The following SUGCT variants were observed in gnomAD, a reference collection of about 807,000 sequenced individuals.
The protein encoded by SUGCT is succinyl-CoA:glutarate-CoA transferase, also known as succinyl-CoA:glutarate CoA-transferase.
A neutral mutation model predicts 55.0 loss-of-function variants in SUGCT; 41 were observed. That is an observed-to-expected ratio of 0.74 (90% confidence interval 0.58 to 0.97). The LOEUF (loss-of-function observed/expected upper bound fraction) is 0.97. SUGCT is among the 50% of genes least tolerant of loss of function. The pLI, the probability that SUGCT is intolerant of heterozygous loss-of-function variation, is 0.00. For missense variants in SUGCT, 568 were observed against 547.8 expected, an observed-to-expected ratio of 1.04 and a Z score of -0.37; for synonymous variants, 187 against 200.4, an observed-to-expected ratio of 0.93 and a Z score of 0.56.
At chr7:40,839,245 A>T (rs978469719) in intron 13 of SUGCT, among the ~76,000 whole-genome samples, 1 of 151,992 alleles carries the variant, frequency 6.6e-6, no homozygotes, top group Non-Finnish European at 1.5e-5. Flanking sequence ...TTTTGAGACC[A>T]TATTTTTATT....
intron 12 of SUGCT, among the ~76,000 whole-genome samples, chr7:40,625,680 G>T (rs1447121444): frequency 1.3e-5 from 2 of 152,216 alleles, no homozygotes; most frequent in East Asian, 3.9e-4. Context: ...AGAAACTGTG[G>T]TGCAAACTAT....
At position 40,341,483 on chromosome 7, in the gene SUGCT, G is replaced by C. The variant is rs531119946; in HGVS notation, c.816+24628G>C. 3.9e-5 allele frequency among the ~76,000 whole-genome samples: 6 copies of C among 152,304 alleles called. No individual in the cohort carries two copies. In the East Asian group the frequency reaches 1.2e-3, roughly 29 times the overall value. On this transcript the variant is annotated intron_variant, in intron 9 of 13. Coordinates refer to ENST00000335693, the MANE Select transcript of SUGCT (RefSeq NM_001193313.2). ...ATGTGTAAACAGTGAGGTCCCTCTTGGGATTTCTGCTGGGCCTCTTTATTA... is the reference window on the plus strand; with the variant it reads ...ATGTGTAAACAGTGAGGTCCCTCTTCGGATTTCTGCTGGGCCTCTTTATTA...
chr7:40,640,155 C>A (rs769269129), intron 12 of SUGCT, among the ~76,000 whole-genome samples: 2 of 152,086 alleles, frequency 1.3e-5, no homozygotes, highest in Non-Finnish European at 2.9e-5. Context: ...TTAAACCCAG[C>A]AAGTCAGAAA....
intron 1 of SUGCT, among the ~76,000 whole-genome samples, chr7:40,149,118 T>C (rs1788416731): frequency 6.6e-6 from 1 of 152,172 alleles, no homozygotes; most frequent in African/African-American, 2.4e-5. Context: ...TTTTGGGGTC[T>C]CAGTTTTTGA....
intron 7 of SUGCT, among the ~76,000 whole-genome samples, chr7:40,264,992 A>T (rs1036247005): frequency 6.6e-6 from 1 of 152,212 alleles, no homozygotes; most frequent in Non-Finnish European, 1.5e-5. Context: ...GCTGAAGTAG[A>T]TTTTATCATT....
chr7:40,317,118 G>A lies in SUGCT; in HGVS notation c.816+263G>A, dbSNP rs28477494. On this transcript the variant is annotated intron_variant, in intron 9 of 13. Coordinates refer to ENST00000335693, the MANE Select transcript of SUGCT (RefSeq NM_001193313.2). Reference sequence around the variant, plus strand: ...CTGAAAGTAAGTGCCTTTTGGGCTCGTATGATGGTTTTCTTTTTTTTTTTT... The same window carrying A: ...CTGAAAGTAAGTGCCTTTTGGGCTCATATGATGGTTTTCTTTTTTTTTTTT... Among the ~76,000 whole-genome samples, 84,749 of 150,934 alleles carry A rather than the reference G, an allele frequency of 0.56. 25,088 individuals are homozygous for A. Among genetic ancestry groups the A allele is most frequent in the Non-Finnish European group, 0.67 (45,365 of 67,598 alleles).
chr7:40,444,203 C>T (rs188595036), intron 9 of SUGCT, among the ~76,000 whole-genome samples: 24 of 152,186 alleles, frequency 1.6e-4, no homozygotes, highest in Non-Finnish European at 2.2e-4. Context: ...CTTGGCAATG[C>T]GGGCTCTTTT....
chr7:40,198,744 C>T (rs1221199738), intron 6 of SUGCT, among the ~76,000 whole-genome samples: 1 of 150,082 alleles, frequency 6.7e-6, no homozygotes, highest in Non-Finnish European at 1.5e-5. Flanking sequence ...TGACTGTAAT[C>T]CCAACACTTT....
intron 9 of SUGCT, among the ~76,000 whole-genome samples, chr7:40,448,922 ATATGTG>A (rs1307697859): frequency 6.8e-6 from 1 of 146,326 alleles, no homozygotes; most frequent in Non-Finnish European, 1.5e-5. Flanking sequence ...GTGTGTGTAT[ATATGTG>A]TGTGTGTGTG....
At chr7:40,471,846 A>G (rs1790417051) in intron 11 of SUGCT, among the ~76,000 whole-genome samples, 2 of 152,150 alleles carry the variant, frequency 1.3e-5, no homozygotes, top group South Asian at 4.1e-4. Flanking sequence ...GTTATTTTAC[A>G]AAGAGACTAT....
chr7:40,164,881 A>G (rs1030294671), intron 1 of SUGCT, among the ~76,000 whole-genome samples: 4 of 152,166 alleles, frequency 2.6e-5, no homozygotes, highest in African/African-American at 9.7e-5. Flanking sequence ...ATTGAAAACA[A>G]TTATTGCCTG....
chr7:40,446,773 C>G (rs965069605), intron 9 of SUGCT, among the ~76,000 whole-genome samples: 4 of 152,046 alleles, frequency 2.6e-5, no homozygotes, highest in African/African-American at 7.2e-5. Flanking sequence ...AAGACATGAC[C>G]AATACAATCT....
chr7:40,412,358 A>G (rs1390714292), intron 9 of SUGCT, among the ~76,000 whole-genome samples: 5 of 152,184 alleles, frequency 3.3e-5, no homozygotes, highest in Non-Finnish European at 7.4e-5. Context: ...TTTAACTAGG[A>G]ACTAACATTT....
chr7:40,421,627 T>A (rs1210275737), intron 9 of SUGCT, among the ~76,000 whole-genome samples: 2 of 152,166 alleles, frequency 1.3e-5, no homozygotes, highest in East Asian at 3.9e-4. Context: ...GGCCCCTACT[T>A]TTTGTTAAAC....
the SUGCT span, among the ~76,000 whole-genome samples, chr7:41,016,051 AC>A: frequency 6.6e-6 from 1 of 152,158 alleles, no homozygotes; most frequent in Admixed American, 6.5e-5. Context: ...GCCTAGAAGG[AC>A]TTGTATCTTT....
chr7:40,763,552 TG>T (rs1398666885), intron 13 of SUGCT, among the ~76,000 whole-genome samples: 1 of 152,046 alleles, frequency 6.6e-6, no homozygotes, highest in Non-Finnish European at 1.5e-5. Flanking sequence ...TGTTTGAGAG[TG>T]GGTGGTCACC....
intron 12 of SUGCT, among the ~76,000 whole-genome samples, chr7:40,680,098 AG>A (rs779786190): frequency 6.6e-6 from 1 of 152,180 alleles, no homozygotes; most frequent in Non-Finnish European, 1.5e-5. Context: ...TCTTCACAGA[AG>A]GTTTATTTTG....
chr7:40,920,735 G>A, the SUGCT span, among the ~76,000 whole-genome samples: 1 of 152,200 alleles, frequency 6.6e-6, no homozygotes, highest in Non-Finnish European at 1.5e-5. Context: ...AGATGAAAGA[G>A]AAAGGATGGA....
the SUGCT span, among the ~76,000 whole-genome samples, chr7:40,898,713 A>C: frequency 6.6e-6 from 1 of 151,960 alleles, no homozygotes; most frequent in African/African-American, 2.4e-5. Flanking sequence ...AAAAAAATGA[A>C]CACTTACCAC....
Sources: gnomAD v4.1 joint callset for allele counts (sites outside exome capture counted in the v4.1 genomes callset) on GRCh38, gnomAD v4.1.1 for gene constraint, MANE v1.5 for transcripts, NCBI Gene and HGNC (gene_info 2026-07-23, HGNC 2026-07-21) for gene names.